Variants in NOTCH2 observed in about 807,000 individuals in gnomAD.
The protein encoded by NOTCH2 is neurogenic locus notch homolog protein 2.
In NOTCH2, 29 loss-of-function variants were observed where a neutral mutation model predicts 235.8. The ratio of observed to expected loss-of-function variants is 0.12; its 90% CI spans 0.09 to 0.17. The LOEUF (loss-of-function observed/expected upper bound fraction) is 0.17. Among genes scored for constraint, NOTCH2 ranks in the 10% least tolerant of loss-of-function variants. The pLI, the probability that NOTCH2 is intolerant of heterozygous loss-of-function variation, is 1.00. For synonymous variants in NOTCH2, 1,086 were observed against 1,141.5 expected (o/e 0.95, Z 0.98); for missense variants, 2,285 against 3,150.2 (o/e 0.73, Z 6.57).
Position 119,997,084 on chromosome 1 carries a change from A to G in NOTCH2, c.664T>C (p.Tyr222His), listed in dbSNP as rs1553204301. 2 of 1,614,026 alleles carry G rather than the reference A, an allele frequency of 1.2e-6. No homozygotes were observed. The highest frequency in any genetic ancestry group is 8.5e-7 in the Non-Finnish European group (1 of 1,179,870). Residue 222 changes from tyrosine to histidine, a missense_variant, in exon 4 of 34, where the codon TAT (tyrosine) becomes CAT (histidine). Around this residue, in one of 6 missense-constraint regions of NOTCH2, gnomAD observed 431 missense variants for 757.8 expected, o/e 0.57. Coordinates refer to ENST00000256646, the MANE Select transcript of NOTCH2 (RefSeq NM_024408.4). ...GFTGQYCDSL[Y>H]VPCAPSPCVN... Reference sequence around the variant, plus strand: ...CAAGGTGAGGGTGCACAGGGCACATACAGGCTGTCACAGTACTGGCCTGTG... The same window carrying G: ...CAAGGTGAGGGTGCACAGGGCACATGCAGGCTGTCACAGTACTGGCCTGTG...
chr1:119,936,554 T>A (rs1383080434), intron 21 of NOTCH2, among the ~76,000 whole-genome samples: 1 of 152,194 alleles, frequency 6.6e-6, no homozygotes, highest in Non-Finnish European at 1.5e-5. Flanking sequence ...CTGGTAGGCT[T>A]TTGAGCTAAT....
rs201668322 is a variant in NOTCH2 at position 120,069,420 on chromosome 1, T to G, written c.-14A>C. ...CAGGGCGGGCATCTTCTCGGTCGCCTCCTCCTCCGCCGCCGCCGCCGCCGC... is the reference window on the plus strand; with the variant it reads ...CAGGGCGGGCATCTTCTCGGTCGCCGCCTCCTCCGCCGCCGCCGCCGCCGC... On this transcript the variant is annotated 5_prime_UTR_variant, in exon 1 of 34. Coordinates refer to ENST00000256646, the MANE Select transcript of NOTCH2 (RefSeq NM_024408.4). The G allele has an allele frequency of 6.0e-4, 921 of 1,535,780 alleles. 10 individuals are homozygous for G. The East Asian group carries it at 0.015, about 26-fold the overall frequency.
In NOTCH2 at chr1:119,916,591, C is replaced by A; in HGVS notation, c.6131G>T (p.Arg2044Leu). ...ANRDITDHMD[R>L]LPRDVARDRM... ...ATCCCGAGCCACATCCCGGGGAAGA[C>A]GATCCATATGGTCTGTGATGTCTCG... Residue 2044 changes from arginine to leucine, a missense_variant, in exon 34 of 34, where the codon CGT becomes CTT. Around this residue, in one of 6 missense-constraint regions of NOTCH2, gnomAD observed 128 missense variants for 255.9 expected, o/e 0.50. Coordinates refer to ENST00000256646, the MANE Select transcript of NOTCH2 (RefSeq NM_024408.4). The A allele has an allele frequency of 1.2e-6, 2 of 1,614,126 alleles. No individual in the cohort carries two copies. The highest frequency in any genetic ancestry group is 1.7e-6 in the Non-Finnish European group (2 of 1,180,020).
chr1:119,965,354 T>A (rs902638979), intron 10 of NOTCH2, 99 bp downstream of exon 10: 6 of 945,532 alleles, frequency 6.3e-6, no homozygotes, highest in Non-Finnish European at 1.1e-5. Context: ...CCTCTGGGAG[T>A]GGACTGGCCT....
intron 3 of NOTCH2, among the ~76,000 whole-genome samples, chr1:120,000,602 C>T (rs1164134264): frequency 1.3e-4 from 18 of 138,250 alleles, no homozygotes; most frequent in African/African-American, 2.8e-4. Context: ...TTCTTAACAA[C>T]AAAGGAAGAA....
intron 5 of NOTCH2, among the ~76,000 whole-genome samples, chr1:119,979,010 AT>A (rs1315345174): frequency 6.6e-6 from 1 of 152,234 alleles, no homozygotes; most frequent in Non-Finnish European, 1.5e-5. Context: ...GAGCTAATAC[AT>A]TTTAGAAAGA....
chr1:119,935,331 A>T, intron 22 of NOTCH2, 141 bp downstream of exon 22: 1 of 1,593,768 alleles, frequency 6.3e-7, no homozygotes, highest in Non-Finnish European at 8.5e-7. Context: ...AATGGCTTGA[A>T]TTACTAGGAT....
At position 119,945,003 on chromosome 1, in the gene NOTCH2, T is replaced by C. The variant is rs587682800; in HGVS notation, c.2753-3249A>G. On this transcript the variant is annotated intron_variant, in intron 17 of 33. Transcript: ENST00000256646. Reference sequence around the variant, plus strand: ...CTTTTAAATTATTTTTCAAATATCTTGAAAAAAATTGACCTTTTAATTACA... The same window carrying C: ...CTTTTAAATTATTTTTCAAATATCTCGAAAAAAATTGACCTTTTAATTACA... 5.3e-5 allele frequency among the ~76,000 whole-genome samples: 8 copies of C among 152,266 alleles called. No homozygotes were observed. In the East Asian group the frequency reaches 1.5e-3, roughly 29 times the overall value.
At chr1:120,000,721 C>T (rs1553205186) in intron 3 of NOTCH2, among the ~76,000 whole-genome samples, 1 of 150,560 alleles carries the variant, frequency 6.6e-6, no homozygotes, top group Non-Finnish European at 1.5e-5. Context: ...TGCCCCCCTA[C>T]TTTGCCTCCT....
intron 1 of NOTCH2, 111 bp downstream of exon 1, chr1:120,069,222 CG>C (rs1291096151): frequency 6.5e-7 from 1 of 1,526,824 alleles, no homozygotes; most frequent in Non-Finnish European, 8.8e-7. Flanking sequence ...CCTCGCTCCG[CG>C]CCGGCGGCCG....
chr1:119,956,869 C>T (rs1446562902), intron 12 of NOTCH2, among the ~76,000 whole-genome samples: 1 of 152,136 alleles, frequency 6.6e-6, no homozygotes, highest in Non-Finnish European at 1.5e-5. Context: ...GACAGCTGTT[C>T]CATCAGGAAG....
rs1649162051 is a variant in NOTCH2 at position 119,918,407 on chromosome 1, A to G, written c.5928T>C (p.His1976=). The part of the protein sequence containing the change: ...CQADVNAVDD[H]GKSALHWAAA... ...CAAATCCCTGCCTTTCATCCCTACC[A>G]TGGTCATCCACTGCATTCACATCCG... Residue 1976 remains histidine (H), a splice_region_variant and synonymous_variant, in exon 32 of 34, where the codon CAT becomes CAC. Coordinates refer to ENST00000256646, the MANE Select transcript of NOTCH2 (RefSeq NM_024408.4). 6.2e-7 allele frequency: 1 copy of G among 1,614,042 alleles called. No homozygotes were observed. The highest frequency in any genetic ancestry group is 8.5e-7 in the Non-Finnish European group (1 of 1,180,022).
intron 1 of NOTCH2, among the ~76,000 whole-genome samples, chr1:120,030,216 GT>G (rs1452026736): frequency 6.6e-6 from 1 of 152,030 alleles, no homozygotes; most frequent in Non-Finnish European, 1.5e-5. Flanking sequence ...TTATTTCTCT[GT>G]GTTTTAGTAT....
intron 2 of NOTCH2, 138 bp from the exon 3 acceptor site, chr1:120,005,726 C>G: frequency 1.8e-6 from 1 of 569,788 alleles, no homozygotes; most frequent in African/African-American, 2.5e-5. Flanking sequence ...TATAAAACTG[C>G]TTCCCTTTAG....
chr1:120,031,281 A>G (rs1273817647), intron 1 of NOTCH2, among the ~76,000 whole-genome samples: 1 of 132,754 alleles, frequency 7.5e-6, no homozygotes, highest in Admixed American at 7.7e-5. Context: ...ATTTGAGAAC[A>G]TGTTTACAGA....
intron 2 of NOTCH2, among the ~76,000 whole-genome samples, chr1:120,023,526 G>A: frequency 8.2e-6 from 1 of 121,748 alleles, no homozygotes; most frequent in Non-Finnish European, 1.6e-5. Flanking sequence ...AGTGCAGGCT[G>A]AACCATACTA....
chr1:119,985,375 A>G lies in NOTCH2; in HGVS notation c.874+1585T>C, dbSNP rs587649821. 6.6e-5 allele frequency among the ~76,000 whole-genome samples: 10 copies of G among 152,334 alleles called. No homozygotes were observed. In the South Asian group the frequency reaches 2.1e-3, roughly 32 times the overall value. The stretch of plus-strand genomic sequence containing the variant: ...AAATATAAAAACGGAAACATCTTAT[A>G]AAGACTTCTAGCGAAAAGAGGCATT... On this transcript the variant is annotated intron_variant, in intron 5 of 33. Transcript: ENST00000256646.
At chr1:119,987,590 T>G (rs1270008408) in intron 4 of NOTCH2, among the ~76,000 whole-genome samples, 2 of 152,128 alleles carry the variant, frequency 1.3e-5, no homozygotes, top group African/African-American at 2.4e-5. Flanking sequence ...AGTATGAAGA[T>G]ATGGATCAAG....
intron 1 of NOTCH2, among the ~76,000 whole-genome samples, chr1:120,053,701 T>G (rs1278463294): frequency 7.2e-6 from 1 of 139,184 alleles, no homozygotes; most frequent in African/African-American, 3.0e-5. Context: ...AAAGGAGTCA[T>G]TAAAAGAAAC....
Sources: gnomAD v4.1 joint callset for allele counts (sites outside exome capture counted in the v4.1 genomes callset) on GRCh38, gnomAD v4.1.1 for gene constraint, gnomAD v4.1.1 regional missense constraint, MANE v1.5 for transcripts, NCBI Gene and HGNC (gene_info 2026-07-23, HGNC 2026-07-21) for gene names.